The following CTSB variants were observed in gnomAD, a reference collection of about 807,000 sequenced individuals.
The protein encoded by CTSB is APP secretase.
A neutral mutation model predicts 44.3 loss-of-function variants in CTSB; 57 were observed. That is an observed-to-expected ratio of 1.29 (90% CI 1.04 to 1.60). The LOEUF is 1.60. Ranked by LOEUF, CTSB falls within the 40% of genes most tolerant of loss-of-function variation. The pLI, the probability that CTSB is intolerant of heterozygous loss-of-function variation, is 0.00. For missense variants in CTSB, 768 were observed against 443.0 expected, an observed-to-expected ratio of 1.73 and a Z score of -6.59; for synonymous variants, 320 against 168.0, an observed-to-expected ratio of 1.91 and a Z score of -7.00.
chr8:11,846,975 G>A lies in CTSB; in HGVS notation c.793+77C>T, dbSNP rs938044262. 4 of 802,774 alleles carry A rather than the reference G, an allele frequency of 5.0e-6. No individual in the cohort carries two copies. In the Admixed American group the frequency reaches 5.3e-5, roughly 11 times the overall value. 49.7% of individuals were successfully genotyped at this position (802,774 alleles called of 1,614,324 possible). A position where few individuals can be genotyped will look rare whatever the true frequency, so the allele number is the denominator to read the frequency against. On this transcript the variant is annotated intron_variant, in intron 8 of 9. Transcript: ENST00000353047. The stretch of plus-strand genomic sequence containing the variant: ...CTGCCTGCCCAATCCAGCCCTATTG[G>A]TCAACATGAACCATCCTGGCACCCA...
chr8:11,858,587 G>A (rs1161989316), intron 1 of CTSB, among the ~76,000 whole-genome samples: 2 of 152,186 alleles, frequency 1.3e-5, no homozygotes, highest in Non-Finnish European at 2.9e-5. Context: ...ACCATGCCCA[G>A]TAAAACAAGC....
At position 11,845,194 on chromosome 8, in the gene CTSB, A is replaced by G; in HGVS notation, c.951T>C (p.Asp317=). Residue 317 remains aspartate, a synonymous_variant, in exon 10 of 10, where the codon GAT becomes GAC. Transcript: ENST00000353047. ...NGFFKILRGQ[D]HCGIESEVVA... ...CCACTTCTGATTCGATTCCACAGTG[A>G]TCCTGTCCTCTGAGTATTTTAAAGA... 6.2e-7 allele frequency: 1 copy of G among 1,613,782 alleles called. No homozygotes were observed. Among genetic ancestry groups the G allele is most frequent in the Non-Finnish European group, 8.5e-7 (1 of 1,179,690 alleles).
chr8:11,850,960 AG>A lies in CTSB; in HGVS notation c.232del (p.Leu78Ter). On this transcript the variant is annotated frameshift_variant, in exon 4 of 10. Coordinates refer to ENST00000353047, the MANE Select transcript of CTSB (RefSeq NM_001908.5). LOFTEE classifies it high-confidence loss of function. ...PPQRVMFTED[L>X]KLPASFDARE... ...TGCATCGAAGCTTGCAGGCAGCTTC[AG>A]GTCCTCGGTAAACATAACTCTGGAT... The A allele has an allele frequency of 6.2e-7, 1 of 1,612,680 alleles. No individual in the cohort carries two copies. Among genetic ancestry groups the A allele is most frequent in the Non-Finnish European group, 8.5e-7 (1 of 1,179,034 alleles).
intron 1 of CTSB, chr8:11,862,206 CAAAA>C (rs573172612): frequency 5.7e-5 from 5 of 88,442 alleles, no homozygotes; most frequent in Non-Finnish European, 1.1e-4. Context: ...GACTCCATCT[CAAAA>C]AAAAAAAAAA....
intron 1 of CTSB, chr8:11,862,462 C>T (rs1345201941): frequency 6.6e-6 from 1 of 152,186 alleles, no homozygotes; most frequent in Non-Finnish European, 1.5e-5. Flanking sequence ...GTCATCATTT[C>T]TATTTTCAGA....
At position 11,847,199 on chromosome 8, in the gene CTSB, A is replaced by G. The variant is rs755319763; in HGVS notation, c.677-31T>C. On this transcript the variant is annotated intron_variant, in intron 7 of 9. Coordinates refer to ENST00000353047, the MANE Select transcript of CTSB (RefSeq NM_001908.5). ...AAATGAACCGAGCTCGGGGTTGGGG[A>G]GGGCAGTGACCGTGCCTCGTGGCAC... 4.6e-5 allele frequency: 67 copies of G among 1,461,106 alleles called. No individual in the cohort carries two copies. In the Admixed American group the frequency reaches 1.1e-3, roughly 24 times the overall value. The allele number at this position is 1,461,106 out of a possible 1,614,324, so 90.5% of individuals were successfully genotyped here.
intron 8 of CTSB, 134 bp from the exon 9 acceptor site, chr8:11,845,923 G>C (rs1231837650): frequency 9.6e-7 from 1 of 1,043,426 alleles, no homozygotes; most frequent in Non-Finnish European, 1.3e-6. Context: ...CCACCAGGAG[G>C]CTCCAGGGGG....
At position 11,844,429 on chromosome 8, in the gene CTSB, TGTG is replaced by T. The variant is rs576504227; in HGVS notation, c.*693_*695del. On this transcript the variant is annotated 3_prime_UTR_variant, in exon 10 of 10. Transcript: ENST00000353047. ...CTGGTTTCTCCTAAACTATTTTCCT[TGTG>T]GTAGTAGAGATCAGTGGGTCAGAAA... 88 of 152,334 alleles carry T rather than the reference TGTG, an allele frequency of 5.8e-4. No homozygotes were observed. The highest frequency in any genetic ancestry group is 2.0e-3 in the African/African-American group (84 of 41,582). The allele number at this position is 152,334 out of a possible 1,614,324, so 9.4% of individuals were successfully genotyped here.
intron 1 of CTSB, chr8:11,867,531 G>T (rs1018544036): frequency 6.6e-6 from 1 of 152,274 alleles, no homozygotes; most frequent in Admixed American, 6.5e-5. Flanking sequence ...CAAATCCTTC[G>T]CAATGAGGGG....
At chr8:11,857,629 GACA>G (rs1815718000) in intron 1 of CTSB, among the ~76,000 whole-genome samples, 1 of 152,158 alleles carries the variant, frequency 6.6e-6, no homozygotes, top group Admixed American at 6.5e-5. Context: ...ACTCCTGGAG[GACA>G]ACCTGCCGTG....
chr8:11,846,917 G>A (rs1317928368), intron 8 of CTSB, 135 bp downstream of exon 8: 2 of 660,078 alleles, frequency 3.0e-6, no homozygotes. Context: ...CTATATGGAA[G>A]GCCCCACACA....
intron 4 of CTSB, chr8:11,850,647 G>C: frequency 4.7e-6 from 2 of 426,290 alleles, no homozygotes; most frequent in Non-Finnish European, 8.6e-6. Context: ...TGTACACGTG[G>C]ACTTGCAATC....
chr8:11,850,438 A>AAC (rs1814358917), intron 4 of CTSB, among the ~76,000 whole-genome samples: 3 of 69,050 alleles, frequency 4.3e-5, no homozygotes, highest in African/African-American at 1.6e-4. Flanking sequence ...AAAAAAAAAA[A>AAC]AAAGAAAGAA....
intron 1 of CTSB, chr8:11,858,011 C>G (rs1039491736): frequency 6.6e-6 from 1 of 152,270 alleles, no homozygotes; most frequent in African/African-American, 2.4e-5. Context: ...GGCTCTGCCA[C>G]TGACTAAATG....
chr8:11,865,827 T>G (rs1586213899), intron 1 of CTSB, among the ~76,000 whole-genome samples: 1 of 137,600 alleles, frequency 7.3e-6, no homozygotes, highest in Non-Finnish European at 1.5e-5. Context: ...GCTAACATGG[T>G]GAAAGCCCGT....
chr8:11,848,089 A>T lies in CTSB; in HGVS notation c.510T>A (p.Gly170=). 1 of 1,613,898 alleles carries T rather than the reference A, an allele frequency of 6.2e-7. No homozygotes were observed. Among genetic ancestry groups the T allele is most frequent in the Non-Finnish European group, 8.5e-7 (1 of 1,179,860 alleles). Residue 170 remains glycine (G), a synonymous_variant, in exon 6 of 10, where the codon GGT becomes GGA. Transcript: ENST00000353047. ...NFWTRKGLVS[G]GLYESHVGCR... Reference sequence around the variant, plus strand: ...TACCTACATGGGATTCATAGAGGCCACCAGAAACCAGGCCTTTTCTTGTCC... The same window carrying T: ...TACCTACATGGGATTCATAGAGGCCTCCAGAAACCAGGCCTTTTCTTGTCC...
intron 1 of CTSB, among the ~76,000 whole-genome samples, chr8:11,859,703 G>C (rs564558331): frequency 1.3e-4 from 19 of 142,786 alleles, no homozygotes; most frequent in Non-Finnish European, 2.4e-4. Context: ...AGGAAGCGGA[G>C]GTTGCAGTAA....
chr8:11,853,553 C>G (rs1814989865), intron 1 of CTSB, 74 bp from the exon 2 acceptor site: 2 of 1,443,946 alleles, frequency 1.4e-6, no homozygotes, highest in African/African-American at 2.8e-5. Flanking sequence ...GGGGCACCGT[C>G]TCGGGCATCA....
intron 1 of CTSB, among the ~76,000 whole-genome samples, chr8:11,864,035 T>C (rs1816772085): frequency 1.3e-5 from 2 of 152,088 alleles, no homozygotes; most frequent in African/African-American, 2.4e-5. Context: ...ATAAACACAC[T>C]GGGCACTTAA....
Sources: gnomAD v4.1 joint callset for allele counts (sites outside exome capture counted in the v4.1 genomes callset) on GRCh38, gnomAD v4.1.1 for gene constraint, MANE v1.5 for transcripts, NCBI Gene and HGNC (gene_info 2026-07-23, HGNC 2026-07-21) for gene names.